The following NAV2 variants were observed in gnomAD, a reference collection of about 807,000 sequenced individuals.
The protein encoded by NAV2 is helicase, APC down-regulated 1.
A neutral mutation model predicts 223.2 loss-of-function variants in NAV2; 54 were observed. That is an observed-to-expected ratio of 0.24 (90% CI 0.19 to 0.30). NAV2 has a LOEUF of 0.30. Among genes scored for constraint, NAV2 ranks in the 10% least tolerant of loss-of-function variants. NAV2 has a pLI of 1.00. For synonymous variants in NAV2, 1,279 were observed against 1,239.3 expected, an observed-to-expected ratio of 1.03 and a Z score of -0.67; for missense variants, 2,806 against 3,147.5, an observed-to-expected ratio of 0.89 and a Z score of 2.60.
At chr11:19,831,053 G>T (rs1156899614) in intron 1 of NAV2, among the ~76,000 whole-genome samples, 1 of 151,908 alleles carries the variant, frequency 6.6e-6, no homozygotes, top group Non-Finnish European at 1.5e-5. Flanking sequence ...TGGTGGACAG[G>T]TGCTACAGCT....
At chr11:19,591,357 T>C (rs983292929) in intron 1 of NAV2, 1 of 152,202 alleles carries the variant, frequency 6.6e-6, no homozygotes, top group Non-Finnish European at 1.5e-5. Context: ...CGGTCCAGGA[T>C]AGTTTCTCAT....
chr11:19,948,056 T>G (rs2047070988), intron 9 of NAV2, among the ~76,000 whole-genome samples: 1 of 152,024 alleles, frequency 6.6e-6, no homozygotes, highest in Admixed American at 6.6e-5. Flanking sequence ...TCTAGTATTT[T>G]CTTTCCCAGA....
intron 6 of NAV2, among the ~76,000 whole-genome samples, chr11:19,915,183 A>G (rs558647910): frequency 3.9e-5 from 6 of 152,280 alleles, no homozygotes; most frequent in African/African-American, 1.2e-4. Flanking sequence ...TTTTCTAGCC[A>G]CTGTGCTTTC....
intron 14 of NAV2, among the ~76,000 whole-genome samples, chr11:20,047,137 A>G (rs1185368837): frequency 6.6e-6 from 1 of 152,086 alleles, no homozygotes; most frequent in East Asian, 1.9e-4. Flanking sequence ...GTAAATGAAA[A>G]TGTTCTCTGT....
At chr11:19,714,437 GGGGATCGC>G in intron 1 of NAV2, 1 of 458,380 alleles carries the variant, frequency 2.2e-6, no homozygotes, top group Non-Finnish European at 4.4e-6. Flanking sequence ...AGGAAGAAAA[GGGGATCGC>G]GGGTGGCAGT....
chr11:19,796,302 A>G (rs1182144061), intron 1 of NAV2, among the ~76,000 whole-genome samples: 5 of 152,132 alleles, frequency 3.3e-5, no homozygotes, highest in African/African-American at 9.7e-5. Context: ...CCCTCCTAAT[A>G]TGTATTATTA....
At chr11:19,642,576 C>T (rs1472489172) in intron 1 of NAV2, among the ~76,000 whole-genome samples, 2 of 152,148 alleles carry the variant, frequency 1.3e-5, no homozygotes, top group Admixed American at 1.3e-4. Context: ...TCCACCTGGG[C>T]TCTCTGGATG....
At chr11:19,583,026 A>C (rs1299620574) in intron 1 of NAV2, among the ~76,000 whole-genome samples, 1 of 152,194 alleles carries the variant, frequency 6.6e-6, no homozygotes, top group African/African-American at 2.4e-5. Context: ...ATGTTCTTCC[A>C]TTTGTGTGTA....
intron 14 of NAV2, among the ~76,000 whole-genome samples, chr11:20,047,314 A>T (rs188662965): frequency 2.6e-5 from 4 of 152,348 alleles, no homozygotes; most frequent in Admixed American, 2.6e-4. Flanking sequence ...AATTCCTGGT[A>T]AATTACATTT....
intron 1 of NAV2, among the ~76,000 whole-genome samples, chr11:19,423,640 G>A (rs1442733718): frequency 6.6e-6 from 1 of 152,216 alleles, no homozygotes; most frequent in Non-Finnish European, 1.5e-5. Context: ...TACGATGTGA[G>A]GAAACAGTGG....
chr11:19,974,771 A>C (rs1234493526), intron 10 of NAV2, among the ~76,000 whole-genome samples: 5 of 152,254 alleles, frequency 3.3e-5, no homozygotes, highest in African/African-American at 9.6e-5. Flanking sequence ...CTAAGAAAAA[A>C]GTGTACATAA....
rs985873614 is a variant in NAV2 at position 19,713,573 on chromosome 11, G to T, written c.-123G>T. On this transcript the variant is annotated 5_prime_UTR_variant, in exon 1 of 38. Coordinates refer to ENST00000349880, the MANE Select transcript of NAV2 (RefSeq NM_145117.5). This position sits in a 1 kb window ranked among gnomAD's most constrained non-coding sequence, Gnocchi z 7.2. ...CGACCTGGGGATTTTTTTTTTAGCC[G>T]CTGGTGGTGGGCGCCTCGTGGGCTA... 2 of 1,393,808 alleles carry T rather than the reference G, an allele frequency of 1.4e-6. No homozygotes were observed. Among genetic ancestry groups the T allele is most frequent in the Non-Finnish European group, 9.3e-7 (1 of 1,072,978 alleles). The allele number at this position is 1,393,808 out of a possible 1,614,324, so 86.3% of individuals were successfully genotyped here.
chr11:19,618,098 A>G (rs11025196), intron 1 of NAV2, among the ~76,000 whole-genome samples: 11,087 of 152,232 alleles, frequency 0.073, 886 homozygotes, highest in African/African-American at 0.19. Flanking sequence ...ATTCCTCCCT[A>G]GACTATAAGA....
intron 1 of NAV2, among the ~76,000 whole-genome samples, chr11:19,351,802 TAAAAAAAAAAA>T (rs56030401): frequency 7.8e-5 from 9 of 114,668 alleles, no homozygotes; most frequent in Admixed American, 9.0e-5. Context: ...TTGTGTATGG[TAAAAAAAAAAA>T]AAAAAAAAAA....
chr11:19,866,091 A>G (rs1221833023), intron 3 of NAV2, among the ~76,000 whole-genome samples: 1 of 152,240 alleles, frequency 6.6e-6, no homozygotes, highest in Non-Finnish European at 1.5e-5. Context: ...AACACCATCC[A>G]AAGAATTGAG....
At chr11:19,365,654 T>A (rs757506264) in intron 1 of NAV2, among the ~76,000 whole-genome samples, 1 of 152,198 alleles carries the variant, frequency 6.6e-6, no homozygotes, top group Non-Finnish European at 1.5e-5. Flanking sequence ...TGCTAGAGGG[T>A]GGAGATTGAG....
chr11:19,418,570 C>T (rs1850476611), intron 1 of NAV2, among the ~76,000 whole-genome samples: 1 of 152,154 alleles, frequency 6.6e-6, no homozygotes, highest in Non-Finnish European at 1.5e-5. Flanking sequence ...TCACATCTTA[C>T]CAGCATATGA....
In NAV2 at chr11:19,622,809, G is replaced by A. The variant is rs185419977; in HGVS notation, c.76-209675G>A. Among the ~76,000 whole-genome samples, 324 of 152,270 alleles carry A rather than the reference G, an allele frequency of 2.1e-3. 1 individual carries two copies. The highest frequency in any genetic ancestry group is 7.3e-3 in the African/African-American group (304 of 41,562). On this transcript the variant is annotated intron_variant, in intron 1 of 37. Coordinates refer to the NAV2 transcript ENST00000360655. The stretch of plus-strand genomic sequence containing the variant: ...TGTATGAATTTGATCCTGTCATTAT[G>A]ATGTTAGCTGAGTATTTTGCTCGTT...
At chr11:19,451,149 C>G (rs941276184) in intron 1 of NAV2, among the ~76,000 whole-genome samples, 1 of 152,140 alleles carries the variant, frequency 6.6e-6, no homozygotes, top group African/African-American at 2.4e-5. Context: ...GCTGACGGGA[C>G]AGAGGGACAT....
Sources: gnomAD v4.1 joint callset for allele counts (sites outside exome capture counted in the v4.1 genomes callset) on GRCh38, gnomAD v4.1.1 for gene constraint, Gnocchi (gnomAD v3.1) non-coding constraint, MANE v1.5 for transcripts, NCBI Gene and HGNC (gene_info 2026-07-23, HGNC 2026-07-21) for gene names.